Variants in BPTF observed in about 807,000 individuals in gnomAD.
BPTF encodes nucleosome-remodeling factor subunit BPTF.
BPTF carries 18 observed loss-of-function variants against 292.5 expected under a neutral mutation model. The observed-to-expected ratio is 0.06, with a 90% CI of 0.04 to 0.09. The LOEUF (loss-of-function observed/expected upper bound fraction) is 0.09, where lower values mean the gene tolerates loss of function less well. BPTF is among the 10% of genes least tolerant of loss of function. The probability of loss-of-function intolerance (pLI) is 1.00; values close to 1 mark genes in which losing one functional copy is unlikely to be tolerated. For synonymous variants in BPTF, 1,225 were observed against 1,251.9 expected, an observed-to-expected ratio of 0.98 and a Z score of 0.45; for missense variants, 2,726 against 3,498.7, an observed-to-expected ratio of 0.78 and a Z score of 5.57.
Position 67,826,132 on chromosome 17 carries a change from AGAG to A in BPTF, c.414_416del (p.Glu138del). The A allele has an allele frequency of 7.0e-7, 1 of 1,432,982 alleles. No individual in the cohort carries two copies. The highest frequency in any genetic ancestry group is 9.8e-7 in the Non-Finnish European group (1 of 1,019,192). The allele number at this position is 1,432,982 out of a possible 1,614,324, so 88.8% of individuals were successfully genotyped here. A position where few individuals can be genotyped will look rare whatever the true frequency, so the allele number is the denominator to read the frequency against. ...ACCACGAGAGCGAGGAGGAGGAGGA[AGAG>A]GAGGACATGGTCTCCGAGGAGGAGG... is the stretch of plus-strand genomic sequence containing the variant. On this transcript the variant is annotated inframe_deletion, in exon 1 of 28. Transcript: ENST00000306378.
Position 67,948,230 on chromosome 17 carries a change from A to G in BPTF, c.7850A>G (p.Lys2617Arg). Residue 2617 changes from lysine to arginine, a missense_variant, in exon 23 of 28, where the codon AAG becomes AGG. By Grantham distance (26) the Lys-to-Arg change is conservative (BLOSUM62 2). Coordinates refer to ENST00000306378, the MANE Select transcript of BPTF (RefSeq NM_182641.4). ...ACTAAGCTGTCAGCTCTGCTCTTCA[A>G]GCACAAAGAGCAGCTCAGAGCCGAG... Reference protein sequence around the residue: ...NATKLSALLFKHKEQLRAEIL... With the variant: ...NATKLSALLFRHKEQLRAEIL... 1 of 1,614,170 alleles carries G rather than the reference A, an allele frequency of 6.2e-7. No individual in the cohort carries two copies.
rs2146270287 is a variant in BPTF, at chr17:67,892,005, G to A, written c.2026G>A (p.Ala676Thr). 1.2e-6 allele frequency: 2 copies of A among 1,604,566 alleles called. No homozygotes were observed. Among genetic ancestry groups the A allele is most frequent in the East Asian group, 4.5e-5 (2 of 44,038 alleles). Residue 676 changes from alanine to threonine, a missense_variant, in exon 5 of 28, where the codon GCA (alanine) becomes ACA (threonine). Around this residue, in one of 22 missense-constraint regions of BPTF, gnomAD observed 63 missense variants for 84.1 expected, o/e 0.75. Transcript: ENST00000306378. ...SQQVAAAAHEANKLFKEGKEV... is the reference protein window; with the variant it reads ...SQQVAAAAHETNKLFKEGKEV... Reference sequence around the variant, plus strand: ...GCAGGTGGCAGCCGCTGCACATGAAGCAAATAAATTATTTAAGGAGGGCAA... The same window carrying A: ...GCAGGTGGCAGCCGCTGCACATGAAACAAATAAATTATTTAAGGAGGGCAA...
At chr17:67,915,596 C>G (rs565967787) in intron 11 of BPTF, among the ~76,000 whole-genome samples, 1 of 152,262 alleles carries the variant, frequency 6.6e-6, no homozygotes, top group East Asian at 1.9e-4. Context: ...AGTCATAAAA[C>G]ACTGGATGTG....
intron 1 of BPTF, among the ~76,000 whole-genome samples, chr17:67,843,911 A>C (rs2057795454): frequency 6.7e-6 from 1 of 148,664 alleles, no homozygotes; most frequent in Admixed American, 6.7e-5. Flanking sequence ...GATTACAGGC[A>C]TGTGCCACCA....
At chr17:67,886,717 G>C (rs1334620621) in intron 4 of BPTF, among the ~76,000 whole-genome samples, 1 of 152,066 alleles carries the variant, frequency 6.6e-6, no homozygotes, top group African/African-American at 2.4e-5. Flanking sequence ...GGGGTTTTTT[G>C]AAATATAAAC....
At chr17:67,968,590 A>G (rs1190885935) in intron 26 of BPTF, among the ~76,000 whole-genome samples, 3 of 150,876 alleles carry the variant, frequency 2.0e-5, no homozygotes, top group African/African-American at 4.9e-5. Context: ...CATCCTGGCT[A>G]ACACGGTGAA....
At chr17:67,938,261 G>A (rs755796619) in intron 18 of BPTF, among the ~76,000 whole-genome samples, 2 of 152,178 alleles carry the variant, frequency 1.3e-5, no homozygotes, top group Non-Finnish European at 2.9e-5. Context: ...CAATGTATCT[G>A]TACCAGGTGA....
At chr17:67,827,930 C>CTTT (rs35169238) in intron 1 of BPTF, among the ~76,000 whole-genome samples, 1 of 128,966 alleles carries the variant, frequency 7.8e-6, no homozygotes, top group African/African-American at 3.0e-5. Flanking sequence ...AATTTTAGTA[C>CTTT]TTTTTTTTTT....
chr17:67,937,521 A>T (rs2065013885), intron 18 of BPTF, among the ~76,000 whole-genome samples: 1 of 152,196 alleles, frequency 6.6e-6, no homozygotes, highest in Non-Finnish European at 1.5e-5. Flanking sequence ...TAACAAGATG[A>T]AATTTGGATA....
Position 67,909,801 on chromosome 17 carries a change from A to G in BPTF, c.2992+40A>G, listed in dbSNP as rs376694768. The G allele has an allele frequency of 5.5e-6, 8 of 1,448,890 alleles. No homozygotes were observed. The African/African-American group carries it at 1.1e-4, about 21-fold the overall frequency. 89.8% of individuals were successfully genotyped at this position (1,448,890 alleles called of 1,614,324 possible). ...CTGTGGAGGGCAGCCTGGGGGTGAT[A>G]AGAATGCACTGGATCAGGGTCCCAC... On this transcript the variant is annotated intron_variant, in intron 10 of 27. Transcript: ENST00000306378.
chr17:67,950,179 A>C (rs1419218388), intron 23 of BPTF, among the ~76,000 whole-genome samples: 1 of 151,806 alleles, frequency 6.6e-6, no homozygotes, highest in Non-Finnish European at 1.5e-5. Context: ...CGGGCAGATC[A>C]CTTGAGCTCA....
At chr17:67,976,151 G>A (rs868953059) in intron 27 of BPTF, 193 bp downstream of exon 27, 133 of 449,674 alleles carry the variant, frequency 3.0e-4, no homozygotes, top group Middle Eastern at 2.4e-3. Context: ...TGGGTTTGTT[G>A]TTGATCTACT....
intron 3 of BPTF, 151 bp downstream of exon 3, chr17:67,866,838 T>C (rs1322545864): frequency 1.5e-6 from 1 of 651,302 alleles, no homozygotes; most frequent in African/African-American, 1.8e-5. Context: ...ATGTGTCATT[T>C]GACAATGTCA....
chr17:67,918,664 G>A (rs753975034), intron 11 of BPTF, 50 bp from the exon 12 acceptor site: 3 of 1,510,060 alleles, frequency 2.0e-6, no homozygotes, highest in Non-Finnish European at 2.8e-6. Flanking sequence ...ATGTGTATGT[G>A]TATGTATATA....
chr17:67,837,903 G>A (rs1480680850), intron 1 of BPTF, among the ~76,000 whole-genome samples: 1 of 152,134 alleles, frequency 6.6e-6, no homozygotes, highest in African/African-American at 2.4e-5. Flanking sequence ...AGAGTTTCCT[G>A]GCCAAGTGGT....
At chr17:67,892,923 G>A (rs184630577) in intron 5 of BPTF, among the ~76,000 whole-genome samples, 55 of 152,206 alleles carry the variant, frequency 3.6e-4, no homozygotes, top group African/African-American at 1.1e-3. Context: ...AGTATCCATG[G>A]GGTCTTACAC....
intron 2 of BPTF, among the ~76,000 whole-genome samples, chr17:67,864,076 T>A (rs1190501611): frequency 6.6e-6 from 1 of 152,136 alleles, no homozygotes; most frequent in African/African-American, 2.4e-5. Context: ...GTAGGCCTTG[T>A]AAGAACCAGA....
At chr17:67,955,277 CAAAAA>C (rs60507268) in intron 23 of BPTF, 1 of 119,518 alleles carries the variant, frequency 8.4e-6, no homozygotes, top group African/African-American at 3.5e-5. Flanking sequence ...GACTCTGTCT[CAAAAA>C]AAAAAAAAAA....
intron 26 of BPTF, among the ~76,000 whole-genome samples, chr17:67,968,486 T>A (rs2068376243): frequency 6.6e-6 from 1 of 151,544 alleles, no homozygotes; most frequent in African/African-American, 2.4e-5. Flanking sequence ...GGTAGAAAAT[T>A]CATAAAATAA....
Sources: gnomAD v4.1 joint callset for allele counts (sites outside exome capture counted in the v4.1 genomes callset) on GRCh38, gnomAD v4.1.1 for gene constraint, gnomAD v4.1.1 regional missense constraint, MANE v1.5 for transcripts, NCBI Gene and HGNC (gene_info 2026-07-23, HGNC 2026-07-21) for gene names.